RNF122: variants seen among roughly 807,000 people sequenced by gnomAD.
The protein encoded by RNF122 is ring finger protein 122.
A neutral mutation model predicts 24.2 loss-of-function variants in RNF122; 17 were observed. That is an observed-to-expected ratio of 0.70 (90% confidence interval 0.48 to 1.06). RNF122 has a LOEUF of 1.06. RNF122 is among the 50% of genes least tolerant of loss of function. RNF122 has a pLI of 0.00. For missense variants in RNF122, 168 were observed against 198.1 expected (o/e 0.85, Z 0.91); for synonymous variants, 65 against 71.8 (o/e 0.91, Z 0.48).
chr8:33,548,696 G>T lies in RNF122; in HGVS notation c.*57C>A. ...TCCTGTTGGTTGGAGCTGTGCAGAG[G>T]GACCAGACATCCATGAGGCAAGAGG... On this transcript the variant is annotated 3_prime_UTR_variant, in exon 6 of 6. Coordinates refer to ENST00000256257, the MANE Select transcript of RNF122 (RefSeq NM_024787.3). 9.4e-7 allele frequency: 1 copy of T among 1,060,590 alleles called. No homozygotes were observed. 65.7% of individuals were successfully genotyped at this position (1,060,590 alleles called of 1,614,324 possible). A position where few individuals can be genotyped will look rare whatever the true frequency, so the allele number is the denominator to read the frequency against.
At chr8:33,554,034 G>A (rs1427459138) in intron 2 of RNF122, among the ~76,000 whole-genome samples, 1 of 152,196 alleles carries the variant, frequency 6.6e-6, no homozygotes, top group African/African-American at 2.4e-5. Context: ...GAGCTCCTTG[G>A]TCCAGAAAAG....
intron 2 of RNF122, among the ~76,000 whole-genome samples, chr8:33,555,738 T>C (rs1156870683): frequency 2.0e-5 from 3 of 152,240 alleles, no homozygotes; most frequent in Non-Finnish European, 2.9e-5. Flanking sequence ...TGTATCACCT[T>C]GGGCAGATCC....
chr8:33,554,480 C>T (rs1008902685), intron 2 of RNF122, among the ~76,000 whole-genome samples: 1 of 152,188 alleles, frequency 6.6e-6, no homozygotes, highest in Non-Finnish European at 1.5e-5. Flanking sequence ...AAACTCAGAA[C>T]AGGGAGGGGC....
At chr8:33,565,389 C>T (rs202181707) in intron 1 of RNF122, among the ~76,000 whole-genome samples, 1 of 138,008 alleles carries the variant, frequency 7.2e-6, no homozygotes, top group Non-Finnish European at 1.6e-5. Context: ...TGATTTTTTT[C>T]CCCCTGTAAC....
intron 2 of RNF122, among the ~76,000 whole-genome samples, chr8:33,556,131 G>A (rs1810447631): frequency 7.9e-6 from 1 of 126,308 alleles, no homozygotes; most frequent in African/African-American, 3.1e-5. Flanking sequence ...AGTGGGCCGA[G>A]ATCTTACAAC....
rs1218290726 is a variant in RNF122, at chr8:33,548,455, C to T, written c.*298G>A. 1 of 271,296 alleles carries T rather than the reference C, an allele frequency of 3.7e-6. No homozygotes were observed. 16.8% of individuals were successfully genotyped at this position (271,296 alleles called of 1,614,324 possible). On this transcript the variant is annotated 3_prime_UTR_variant, in exon 6 of 6. Coordinates refer to ENST00000256257, the MANE Select transcript of RNF122 (RefSeq NM_024787.3). ...TCTCCATGTTCTTGATCGGGGTGGA[C>T]ACCTTCCCCCAGAACAGGGACAAGG...
In RNF122 at chr8:33,549,482, G is replaced by A. The variant is rs770404193; in HGVS notation, c.281C>T (p.Ala94Val). ...CCCCTTGAAGTCTTCCAGACAGACT[G>A]CGCAGGTCTGCTGCAGAGAGAAAAG... ...KKLQLYGQTCAVCLEDFKGKD... is the reference protein window; with the variant it reads ...KKLQLYGQTCVVCLEDFKGKD... The change falls in exon 5 of 6, where the codon GCA becomes GTA. Residue 94 changes from alanine to valine, a missense_variant. Physicochemically the swap from Ala to Val is moderately conservative, Grantham distance 64. Coordinates refer to ENST00000256257, the MANE Select transcript of RNF122 (RefSeq NM_024787.3). 7.4e-6 allele frequency: 12 copies of A among 1,613,546 alleles called. No individual in the cohort carries two copies. The highest frequency in any genetic ancestry group is 1.0e-5 in the Non-Finnish European group (12 of 1,179,574).
intron 1 of RNF122, among the ~76,000 whole-genome samples, 196 bp from the exon 2 acceptor site, chr8:33,558,967 A>G (rs1216638691): frequency 1.3e-5 from 2 of 152,150 alleles, no homozygotes; most frequent in Non-Finnish European, 2.9e-5. Context: ...AAAATTGAAT[A>G]CTATCCAAAA....
chr8:33,551,892 C>T (rs1484653335), intron 2 of RNF122, among the ~76,000 whole-genome samples: 1 of 152,198 alleles, frequency 6.6e-6, no homozygotes, highest in African/African-American at 2.4e-5. Context: ...CCGGACAACA[C>T]AGACGATGCC....
intron 1 of RNF122, among the ~76,000 whole-genome samples, chr8:33,565,225 G>C (rs961891874): frequency 2.0e-5 from 3 of 152,104 alleles, no homozygotes; most frequent in African/African-American, 7.2e-5. Flanking sequence ...TATCACACAC[G>C]GCTTGGTTCA....
chr8:33,554,742 C>T (rs1443953248), intron 2 of RNF122, among the ~76,000 whole-genome samples: 1 of 152,212 alleles, frequency 6.6e-6, no homozygotes, highest in South Asian at 2.1e-4. Flanking sequence ...TCCCTTTCCT[C>T]TTTTCCCTTT....
At chr8:33,553,950 T>C (rs1810413868) in intron 2 of RNF122, among the ~76,000 whole-genome samples, 1 of 152,084 alleles carries the variant, frequency 6.6e-6, no homozygotes, top group Admixed American at 6.5e-5. Flanking sequence ...CCCCACAATA[T>C]CCTTTCTGCT....
rs1810318414 is a variant in RNF122, at chr8:33,548,336, AG to A, written c.*416del. On this transcript the variant is annotated 3_prime_UTR_variant, in exon 6 of 6. Transcript: ENST00000256257. ...TAACCTTACTCCGGAAGGAGTGGGA[AG>A]GGGAGGGAAGGTTGTAGAGAGGTAA... The A allele has an allele frequency of 6.5e-6, 1 of 154,132 alleles. No individual in the cohort carries two copies. The highest frequency in any genetic ancestry group is 2.4e-5 in the African/African-American group (1 of 41,528). The allele number at this position is 154,132 out of a possible 1,614,324, so 9.5% of individuals were successfully genotyped here.
At position 33,558,628 on chromosome 8, in the gene RNF122, A is replaced by G; in HGVS notation, c.169T>C (p.Cys57Arg). Residue 57 changes from cysteine (C) to arginine (R), a missense_variant, in exon 2 of 6, where the codon TGC becomes CGC. By Grantham distance (180) the Cys-to-Arg change is radical (BLOSUM62 -3). Coordinates refer to ENST00000256257, the MANE Select transcript of RNF122 (RefSeq NM_024787.3). ...FVFMLSLIFC[C>R]YFISKLRNQA... Reference sequence around the variant, plus strand: ...GGATCCACGCACCTGATAAAATAGCAGCAGAAGATAAGGCTGAGCATGAAG... The same window carrying G: ...GGATCCACGCACCTGATAAAATAGCGGCAGAAGATAAGGCTGAGCATGAAG... The G allele has an allele frequency of 1.2e-6, 2 of 1,606,916 alleles. No individual in the cohort carries two copies. The highest frequency in any genetic ancestry group is 1.7e-6 in the Non-Finnish European group (2 of 1,175,668).
rs898255137 is a variant in RNF122, at chr8:33,566,720, G to A, written c.4C>T (p.His2Tyr). The change falls in exon 1 of 6, where the codon CAC becomes TAC. Residue 2 changes from histidine to tyrosine, a missense_variant. Coordinates refer to ENST00000256257, the MANE Select transcript of RNF122 (RefSeq NM_024787.3). ...TCACCGTTACACCACTGGAATGGGT[G>A]CATCAATGAAGTCGCGGTTGGCTTC... M[H>Y]PFQWCNGCFC... 1 of 1,605,724 alleles carries A rather than the reference G, an allele frequency of 6.2e-7. No individual in the cohort carries two copies. Among genetic ancestry groups the A allele is most frequent in the Non-Finnish European group, 8.5e-7 (1 of 1,176,854 alleles).
chr8:33,551,099 G>T lies in RNF122; in HGVS notation c.229-14C>A. ...TTTAAGCACCACCTGAAAAGAAAGAGGAGGCATGATGTCCAAAGAAGAACC... is the reference window on the plus strand; with the variant it reads ...TTTAAGCACCACCTGAAAAGAAAGATGAGGCATGATGTCCAAAGAAGAACC... On this transcript the variant is annotated splice_polypyrimidine_tract_variant and intron_variant, in intron 3 of 5. Coordinates refer to ENST00000256257, the MANE Select transcript of RNF122 (RefSeq NM_024787.3). The T allele has an allele frequency of 2.5e-6, 4 of 1,614,052 alleles. No individual in the cohort carries two copies. The South Asian group carries it at 4.4e-5, about 18-fold the overall frequency.
chr8:33,566,935 C>CA lies in RNF122; in HGVS notation c.-213dup. ...CAAAGAGGGACGAGGAGGAAACAAA[C>CA]AAAGTCCCGCGGAGCACAGCCGCAC... is the stretch of plus-strand genomic sequence containing the variant. On this transcript the variant is annotated 5_prime_UTR_variant, in exon 1 of 6. Transcript: ENST00000256257. 4 of 604,728 alleles carry CA rather than the reference C, an allele frequency of 6.6e-6. No homozygotes were observed. In the South Asian group the frequency reaches 7.5e-5, roughly 11 times the overall value. The allele number at this position is 604,728 out of a possible 1,614,324, so 37.5% of individuals were successfully genotyped here.
rs781028541 is a variant in RNF122, at chr8:33,548,789, C to T, written c.432G>A (p.Thr144=). 21 of 1,613,716 alleles carry T rather than the reference C, an allele frequency of 1.3e-5. No homozygotes were observed. Among genetic ancestry groups the T allele is most frequent in the Middle Eastern group, 3.3e-4 (2 of 6,082 alleles). The change falls in exon 6 of 6, where the codon ACG becomes ACA. Residue 144 remains threonine, a synonymous_variant. Coordinates refer to ENST00000256257, the MANE Select transcript of RNF122 (RefSeq NM_024787.3). ...NKPIASPSEA[T]QNIGILLDEL... ...CATCCAATAGAATCCCAATGTTCTG[C>T]GTGGCCTCTGAGGGACTAGCAATGG...
At chr8:33,562,409 G>T (rs1315017556) in intron 1 of RNF122, among the ~76,000 whole-genome samples, 1 of 151,328 alleles carries the variant, frequency 6.6e-6, no homozygotes, top group African/African-American at 2.4e-5. Context: ...GGGTGTGGTG[G>T]TAAGTGCCTA....
Sources: allele counts gnomAD v4.1 joint callset (sites outside exome capture counted in the v4.1 genomes callset), GRCh38; gene constraint gnomAD v4.1.1; transcripts MANE v1.5; gene names NCBI Gene and HGNC (gene_info 2026-07-23, HGNC 2026-07-21).